ITGA1: variants seen among roughly 807,000 people sequenced by gnomAD.
The protein encoded by ITGA1 is integrin alpha-1.
A neutral mutation model predicts 145.9 loss-of-function variants in ITGA1; 85 were observed. That is an observed-to-expected ratio of 0.58 (90% CI 0.49 to 0.70). The LOEUF is 0.70. Ranked by LOEUF, ITGA1 falls within the 30% of genes least tolerant of loss-of-function variation. The probability of loss-of-function intolerance (pLI) is 0.00; values close to 1 mark genes in which losing one functional copy is unlikely to be tolerated. For synonymous variants in ITGA1, 520 were observed against 495.3 expected (o/e 1.05, Z -0.66); for missense variants, 1,351 against 1,418.7 (o/e 0.95, Z 0.77).
At chr5:52,837,529 C>T (rs955595259) in intron 1 of ITGA1, among the ~76,000 whole-genome samples, 2 of 152,012 alleles carry the variant, frequency 1.3e-5, no homozygotes, top group Non-Finnish European at 2.9e-5. Context: ...TCCCCTTCTC[C>T]CATGCAAATG....
intron 1 of ITGA1, among the ~76,000 whole-genome samples, chr5:52,843,325 T>G (rs556220868): frequency 6.6e-6 from 1 of 152,232 alleles, no homozygotes; most frequent in South Asian, 2.1e-4. Context: ...AAGAAGCTAC[T>G]GAAATAAAGC....
chr5:52,949,970 G>A (rs10461561), intron 28 of ITGA1, among the ~76,000 whole-genome samples: 51,284 of 152,010 alleles, frequency 0.34, 8,885 homozygotes, highest in South Asian at 0.39. Flanking sequence ...CTGAGTCTCT[G>A]TGTAAGAGAC....
At chr5:52,912,378 A>G (rs1385737896) in intron 14 of ITGA1, among the ~76,000 whole-genome samples, 1 of 145,996 alleles carries the variant, frequency 6.8e-6, no homozygotes, top group Admixed American at 6.9e-5. Context: ...CAGTATATGT[A>G]TTATATATAG....
At chr5:52,877,924 A>C (rs73106325) in intron 6 of ITGA1, among the ~76,000 whole-genome samples, 45 of 152,328 alleles carry the variant, frequency 3.0e-4, no homozygotes, top group African/African-American at 1.1e-3. Context: ...AGGACGATTC[A>C]CATGATAGTG....
chr5:52,880,363 A>G (rs1211849961), intron 6 of ITGA1, among the ~76,000 whole-genome samples: 4 of 152,230 alleles, frequency 2.6e-5, no homozygotes, highest in African/African-American at 9.7e-5. Context: ...TTTAAGCATA[A>G]GGACATAATT....
At chr5:52,886,383 T>C (rs1467712988) in intron 7 of ITGA1, among the ~76,000 whole-genome samples, 1 of 152,220 alleles carries the variant, frequency 6.6e-6, no homozygotes, top group Non-Finnish European at 1.5e-5. Context: ...CTTAAAGATA[T>C]CAGTTATGGT....
At chr5:52,918,924 C>G in intron 16 of ITGA1, 26 bp downstream of exon 16, 1 of 1,562,032 alleles carries the variant, frequency 6.4e-7, no homozygotes, top group South Asian at 1.2e-5. Flanking sequence ...ATAGCAAGTA[C>G]TTTTGGGTAG....
At position 52,918,751 on chromosome 5, in the gene ITGA1, G is replaced by A. The variant is rs2279587; in HGVS notation, c.2008G>A (p.Val670Ile). 110,928 of 1,610,206 alleles carry A rather than the reference G, an allele frequency of 0.069. 6,283 individuals are homozygous for A. The highest frequency in any genetic ancestry group is 0.28 in the Admixed American group (16,655 of 59,068). The part of the protein sequence containing the change: ...ALFWSRDVAV[V>I]KVTMNFEPNK... Reference sequence around the variant, plus strand: ...TTGTAGGTCCCGAGATGTGGCCGTAGTTAAAGTGACCATGAATTTTGAGCC... The same window carrying A: ...TTGTAGGTCCCGAGATGTGGCCGTAATTAAAGTGACCATGAATTTTGAGCC... Residue 670 changes from valine (V) to isoleucine (I), a missense_variant, in exon 16 of 29, where the codon GTT (valine) becomes ATT (isoleucine). Physicochemically the swap from Val to Ile is conservative, Grantham distance 29. Transcript: ENST00000282588.
intron 26 of ITGA1, among the ~76,000 whole-genome samples, chr5:52,940,395 T>C (rs1331609178): frequency 6.8e-6 from 1 of 147,990 alleles, no homozygotes; most frequent in East Asian, 2.0e-4. Context: ...TATATAGGTA[T>C]ATATGAAGCC....
chr5:52,936,693 A>T (rs1750969610), intron 23 of ITGA1, among the ~76,000 whole-genome samples: 1 of 152,176 alleles, frequency 6.6e-6, no homozygotes, highest in Admixed American at 6.6e-5. Flanking sequence ...GTTGAACTTT[A>T]TCCTGCCCAC....
At position 52,800,786 on chromosome 5, in the gene ITGA1, CAG is replaced by C. The variant is rs776373330; in HGVS notation, c.61+12373_61+12374del. The C allele has an allele frequency of 4.3e-6, 7 of 1,613,616 alleles. No individual in the cohort carries two copies. The South Asian group carries it at 7.7e-5, about 18-fold the overall frequency. ...GAGCGCATCGAGCAGGCCTGTGACC[CAG>C]CCTGGAGCGCTGATGTGGCGGCTGT... On this transcript the variant is annotated intron_variant, in intron 1 of 28. Transcript: ENST00000282588.
At chr5:52,862,401 C>T (rs927906330) in intron 3 of ITGA1, among the ~76,000 whole-genome samples, 11 of 152,004 alleles carry the variant, frequency 7.2e-5, no homozygotes, top group African/African-American at 2.4e-4. Flanking sequence ...CATTTATCTT[C>T]CAGATTGACA....
At chr5:52,917,850 G>A (rs149425814) in intron 15 of ITGA1, among the ~76,000 whole-genome samples, 6 of 152,144 alleles carry the variant, frequency 3.9e-5, no homozygotes, top group African/African-American at 1.2e-4. Flanking sequence ...TTTTCTATGA[G>A]TCCATTGTTT....
At chr5:52,942,940 A>G (rs1751076590) in intron 26 of ITGA1, among the ~76,000 whole-genome samples, 1 of 152,140 alleles carries the variant, frequency 6.6e-6, no homozygotes, top group Middle Eastern at 3.2e-3. Context: ...AAACTTTACT[A>G]AAGTCATTTA....
intron 1 of ITGA1, among the ~76,000 whole-genome samples, chr5:52,792,619 A>G (rs930303849): frequency 6.6e-6 from 1 of 152,144 alleles, no homozygotes; most frequent in Non-Finnish European, 1.5e-5. Context: ...TTCCAACCCA[A>G]TAAACTTCCC....
chr5:52,836,568 C>G (rs1488537123), intron 1 of ITGA1, among the ~76,000 whole-genome samples: 1 of 152,110 alleles, frequency 6.6e-6, no homozygotes, highest in Non-Finnish European at 1.5e-5. Flanking sequence ...CACCCTTGGC[C>G]AGATTTCCGC....
At chr5:52,814,726 T>C (rs1234890571) in intron 1 of ITGA1, among the ~76,000 whole-genome samples, 2 of 151,310 alleles carry the variant, frequency 1.3e-5, no homozygotes, top group East Asian at 3.9e-4. Context: ...TTCTGAGAGG[T>C]ATTAAAAAAA....
intron 1 of ITGA1, among the ~76,000 whole-genome samples, chr5:52,816,658 G>A (rs145928747): frequency 1.1e-3 from 171 of 152,220 alleles, no homozygotes; most frequent in African/African-American, 3.9e-3. Context: ...GGTTACCAAC[G>A]AAGGACCATG....
intron 1 of ITGA1, among the ~76,000 whole-genome samples, chr5:52,813,829 A>T (rs1202895897): frequency 6.6e-6 from 1 of 152,224 alleles, no homozygotes; most frequent in Non-Finnish European, 1.5e-5. Context: ...CTAGGTAGCC[A>T]AAACAAAAGA....
Sources: gnomAD v4.1 joint callset for allele counts (sites outside exome capture counted in the v4.1 genomes callset) on GRCh38, gnomAD v4.1.1 for gene constraint, MANE v1.5 for transcripts, NCBI Gene and HGNC (gene_info 2026-07-23, HGNC 2026-07-21) for gene names.